Variants in PDE1C observed in about 807,000 individuals in gnomAD.
PDE1C encodes phosphodiesterase 1C, also known as dual specificity calcium/calmodulin-dependent 3',5'-cyclic nucleotide phosphodiesterase 1C.
A neutral mutation model predicts 93.1 loss-of-function variants in PDE1C; 62 were observed. That is an observed-to-expected ratio of 0.67 (90% CI 0.54 to 0.82). The LOEUF (loss-of-function observed/expected upper bound fraction) is 0.82. Among genes scored for constraint, PDE1C ranks in the 40% least tolerant of loss-of-function variants. The pLI is 0.00. For synonymous variants in PDE1C, 325 were observed against 310.1 expected (o/e 1.05, Z -0.50); for missense variants, 742 against 884.6 (o/e 0.84, Z 2.04).
At chr7:32,090,284 T>A (rs1170569883) in intron 3 of PDE1C, among the ~76,000 whole-genome samples, 3 of 152,256 alleles carry the variant, frequency 2.0e-5, no homozygotes, top group African/African-American at 7.2e-5. Context: ...TAAAGGGCTC[T>A]GCCCTCTGTG....
intron 1 of PDE1C, among the ~76,000 whole-genome samples, chr7:32,281,838 C>T (rs1811650975): frequency 6.6e-6 from 1 of 152,142 alleles, no homozygotes; most frequent in Non-Finnish European, 1.5e-5. Flanking sequence ...GAATACTATG[C>T]AGCCATAAAA....
At chr7:32,138,658 A>C (rs575768394) in intron 3 of PDE1C, among the ~76,000 whole-genome samples, 109 of 152,314 alleles carry the variant, frequency 7.2e-4, no homozygotes, top group African/African-American at 2.5e-3. Context: ...ATTAATGAGT[A>C]ATAAAAATTA....
At chr7:31,695,596 G>A in the PDE1C span, 109 of 1,613,486 alleles carry the variant, frequency 6.8e-5, no homozygotes, top group East Asian at 1.3e-3. Flanking sequence ...ATACACCGGC[G>A]CTGCACATCC....
chr7:31,794,021 TAGATAGATAGATAGATAGATAGAC>T (rs1394663279), intron 16 of PDE1C, among the ~76,000 whole-genome samples: 56 of 125,628 alleles, frequency 4.5e-4, no homozygotes, highest in East Asian at 1.7e-3. Flanking sequence ...GATAGATAGA[TAGATAGATAGATAGATAGATAGAC>T]AGACAGACAG....
intron 2 of PDE1C, among the ~76,000 whole-genome samples, chr7:32,044,296 A>T (rs1219941821): frequency 6.6e-6 from 1 of 152,234 alleles, no homozygotes; most frequent in Non-Finnish European, 1.5e-5. Flanking sequence ...AGAAAGGATC[A>T]TAAAAAAATC....
At chr7:31,791,844 A>G (rs187198615) in intron 16 of PDE1C, among the ~76,000 whole-genome samples, 79 of 152,162 alleles carry the variant, frequency 5.2e-4, no homozygotes, top group Non-Finnish European at 8.4e-4. Flanking sequence ...AGATGGAAAG[A>G]GGCCTATCTA....
At chr7:32,103,821 A>G (rs1798155507) in intron 3 of PDE1C, among the ~76,000 whole-genome samples, 1 of 152,224 alleles carries the variant, frequency 6.6e-6, no homozygotes, top group South Asian at 2.1e-4. Flanking sequence ...TGATATCTAC[A>G]GCGATAAGAT....
At chr7:31,696,859 G>A in the PDE1C span, 2 of 1,281,984 alleles carry the variant, frequency 1.6e-6, no homozygotes, top group Non-Finnish European at 2.1e-6. Flanking sequence ...AGTTTGGAAA[G>A]CTATATTGAC....
At chr7:31,726,067 CTT>C in the PDE1C span, among the ~76,000 whole-genome samples, 1 of 152,092 alleles carries the variant, frequency 6.6e-6, no homozygotes, top group African/African-American at 2.4e-5. Flanking sequence ...AAATAATACT[CTT>C]TTTGTTTGTC....
At chr7:32,259,035 G>T (rs963830267) in intron 1 of PDE1C, among the ~76,000 whole-genome samples, 4 of 152,154 alleles carry the variant, frequency 2.6e-5, no homozygotes, top group Non-Finnish European at 5.9e-5. Context: ...TTTGGACATT[G>T]GTGGGTTATT....
chr7:32,383,163 C>G (rs181995180), intron 1 of PDE1C, among the ~76,000 whole-genome samples: 43 of 152,348 alleles, frequency 2.8e-4, no homozygotes, highest in Middle Eastern at 3.4e-3. Context: ...ATGAACTTCT[C>G]TTATGCTTAC....
At chr7:32,131,225 C>T (rs1799904255) in intron 3 of PDE1C, among the ~76,000 whole-genome samples, 1 of 152,170 alleles carries the variant, frequency 6.6e-6, no homozygotes, top group Non-Finnish European at 1.5e-5. Context: ...CCCTGTCACA[C>T]ACACCCATTA....
chr7:31,924,644 C>G (rs565538685), intron 2 of PDE1C, among the ~76,000 whole-genome samples: 2 of 152,198 alleles, frequency 1.3e-5, no homozygotes, highest in Non-Finnish European at 2.9e-5. Flanking sequence ...TGGGAACCCC[C>G]GAGTTTATAT....
rs931972513 is a variant in PDE1C, at chr7:32,130,224, C to T, written c.308+39561G>A. On this transcript the variant is annotated intron_variant, in intron 3 of 18. Transcript: ENST00000396193. ...TCAAAACAACTATCTTTCCCTCTCACTGCAGAAGCTATCTATCTACCTTTG... is the reference window on the plus strand; with the variant it reads ...TCAAAACAACTATCTTTCCCTCTCATTGCAGAAGCTATCTATCTACCTTTG... Among the ~76,000 whole-genome samples, 8 of 152,148 alleles carry T rather than the reference C, an allele frequency of 5.3e-5. No homozygotes were observed. In the East Asian group the frequency reaches 1.4e-3, roughly 26 times the overall value.
chr7:32,261,804 C>G (rs1810222135), intron 1 of PDE1C, among the ~76,000 whole-genome samples: 1 of 152,206 alleles, frequency 6.6e-6, no homozygotes, highest in South Asian at 2.1e-4. Context: ...TGAAATAATG[C>G]ATTCTCTCAG....
At chr7:32,218,981 A>T (rs2128852277) in intron 1 of PDE1C, among the ~76,000 whole-genome samples, 1 of 152,278 alleles carries the variant, frequency 6.6e-6, no homozygotes, top group South Asian at 2.1e-4. Context: ...TCCAGCTGAG[A>T]CCCAAAGGCC....
chr7:32,273,803 A>G (rs1811122667), intron 1 of PDE1C, among the ~76,000 whole-genome samples: 1 of 152,252 alleles, frequency 6.6e-6, no homozygotes, highest in South Asian at 2.1e-4. Context: ...AGCCTCGTTC[A>G]GAGAAATCAA....
chr7:31,838,072 T>C, intron 9 of PDE1C, 101 bp from the exon 10 acceptor site: 1 of 737,460 alleles, frequency 1.4e-6, no homozygotes, highest in East Asian at 2.5e-5. Context: ...CAGTCAACGA[T>C]TTCTGACATT....
At chr7:32,033,202 G>T (rs1409561590) in intron 2 of PDE1C, among the ~76,000 whole-genome samples, 1 of 152,072 alleles carries the variant, frequency 6.6e-6, no homozygotes, top group African/African-American at 2.4e-5. Context: ...CTAGAGGCGT[G>T]ATGCTCTGTG....
Sources: gnomAD v4.1 joint callset for allele counts (sites outside exome capture counted in the v4.1 genomes callset) on GRCh38, gnomAD v4.1.1 for gene constraint, MANE v1.5 for transcripts, NCBI Gene and HGNC (gene_info 2026-07-23, HGNC 2026-07-21) for gene names.